The following MYCBP2 variants were observed in gnomAD, a reference collection of about 807,000 sequenced individuals.
MYCBP2 encodes E3 ubiquitin-protein ligase MYCBP2.
A neutral mutation model predicts 525.3 loss-of-function variants in MYCBP2; 120 were observed. That is an observed-to-expected ratio of 0.23 (90% CI 0.20 to 0.27). The LOEUF is 0.27. Among genes scored for constraint, MYCBP2 ranks in the 10% least tolerant of loss-of-function variants. The pLI is 1.00. For synonymous variants in MYCBP2, 1,894 were observed against 1,955.8 expected (o/e 0.97, Z 0.83); for missense variants, 4,149 against 5,657.1 (o/e 0.73, Z 8.55).
At chr13:77,080,463 T>C (rs548134812) in intron 65 of MYCBP2, 5 of 152,352 alleles carry the variant, frequency 3.3e-5, no homozygotes, top group African/African-American at 1.2e-4. Context: ...GTTAGTGCTA[T>C]TTCTTTCTTG....
At chr13:77,082,873 C>T (rs2043541981) in intron 63 of MYCBP2, 159 bp downstream of exon 63, 2 of 574,612 alleles carry the variant, frequency 3.5e-6, no homozygotes, top group African/African-American at 1.9e-5. Context: ...GAGGAAGGAC[C>T]ATTCTAAAAA....
intron 18 of MYCBP2, among the ~76,000 whole-genome samples, chr13:77,229,182 G>C (rs2154299182): frequency 6.6e-6 from 1 of 152,286 alleles, no homozygotes; most frequent in South Asian, 2.1e-4. Flanking sequence ...TCTGGTCCTA[G>C]CTTTCCTATC....
intron 20 of MYCBP2, among the ~76,000 whole-genome samples, chr13:77,223,675 T>C (rs191527505): frequency 1.3e-5 from 2 of 152,304 alleles, no homozygotes; most frequent in Admixed American, 6.5e-5. Context: ...CCATTCTCAG[T>C]ACACAGTCTC....
intron 55 of MYCBP2, among the ~76,000 whole-genome samples, chr13:77,110,684 C>T (rs182531389): frequency 2.8e-4 from 42 of 152,184 alleles, no homozygotes; most frequent in Admixed American, 1.9e-3. Flanking sequence ...GTGATGTCAC[C>T]GCCAGAGGCC....
rs749968122 is a variant in MYCBP2 at position 77,097,436 on chromosome 13, T to C, written c.9718A>G (p.Ile3240Val). 6.2e-7 allele frequency: 1 copy of C among 1,613,642 alleles called. No individual in the cohort carries two copies. The highest frequency in any genetic ancestry group is 8.5e-7 in the Non-Finnish European group (1 of 1,179,772). ...TGTGACTCCCCACACAGTTCACAGA[T>C]GGTATCTTTCTCTGGTCCTCCTACT... is the stretch of plus-strand genomic sequence containing the variant. ...LAVGGPEKDT[I>V]CELCGESHPY... The change falls in exon 56 of 83, where the codon ATC (isoleucine) becomes GTC (valine). Residue 3240 changes from isoleucine (I) to valine (V), a missense_variant. This residue lies in a region of MYCBP2 where 26 missense variants were observed against 48.2 expected (regional missense o/e 0.54). Transcript: ENST00000544440.
intron 52 of MYCBP2, among the ~76,000 whole-genome samples, chr13:77,127,296 A>G (rs1023779346): frequency 1.6e-4 from 25 of 151,996 alleles, no homozygotes; most frequent in Non-Finnish European, 5.9e-5. Context: ...TTATTATTGA[A>G]AAGAGTCACT....
chr13:77,271,979 G>C (rs1343600030), intron 5 of MYCBP2, among the ~76,000 whole-genome samples: 1 of 152,174 alleles, frequency 6.6e-6, no homozygotes, highest in Non-Finnish European at 1.5e-5. Context: ...ATGGAGTTTA[G>C]GCTAGAGTTG....
intron 44 of MYCBP2, among the ~76,000 whole-genome samples, chr13:77,159,899 T>C (rs1434110084): frequency 6.6e-6 from 1 of 152,176 alleles, no homozygotes; most frequent in Non-Finnish European, 1.5e-5. Context: ...GTTTATTATA[T>C]ATCTGTTGAA....
At chr13:77,269,925 T>C in intron 7 of MYCBP2, 67 bp downstream of exon 7, 1 of 1,206,860 alleles carries the variant, frequency 8.3e-7, no homozygotes, top group Non-Finnish European at 1.2e-6. Flanking sequence ...TATTACTGAT[T>C]AAACAAGGAC....
rs781771750 is a variant in MYCBP2 at position 77,161,942 on chromosome 13, T to C, written c.6561A>G (p.Glu2187=). Residue 2187 remains glutamate, a synonymous_variant, in exon 44 of 83, where the codon GAA becomes GAG. Transcript: ENST00000544440. ...DLALPIGNEL[E]EDLEILEEAA... ...CCTCCTCAAGAATTTCAAGGTCTTC[T>C]TCTAATTCATTACCTGTTGTGTAAA... is the stretch of plus-strand genomic sequence containing the variant. 1 of 1,605,292 alleles carries C rather than the reference T, an allele frequency of 6.2e-7. No individual in the cohort carries two copies. Among genetic ancestry groups the C allele is most frequent in the South Asian group, 1.1e-5 (1 of 89,680 alleles).
chr13:77,187,824 G>C (rs768132739), intron 30 of MYCBP2, among the ~76,000 whole-genome samples: 5 of 151,868 alleles, frequency 3.3e-5, no homozygotes, highest in Non-Finnish European at 7.4e-5. Flanking sequence ...AGGCGGGTGG[G>C]TCATGAGGTC....
At chr13:77,188,923 A>T (rs149189180) in intron 30 of MYCBP2, 28 bp downstream of exon 30, 1 of 1,538,548 alleles carries the variant, frequency 6.5e-7, no homozygotes, top group African/African-American at 1.4e-5. Context: ...TGAAGAGAAA[A>T]GCTGAAATTT....
rs539646765 is a variant in MYCBP2, at chr13:77,317,516, G to A, written c.302+8958C>T. ...GAGAATGGGCGCCTCACCCTTGCAG[G>A]GCATCATGCCCAAGCTGCAGGATCT... On this transcript the variant is annotated intron_variant, in intron 1 of 82. Coordinates refer to ENST00000544440, the MANE Select transcript of MYCBP2 (RefSeq NM_015057.5). 1.4e-4 allele frequency among the ~76,000 whole-genome samples: 21 copies of A among 152,266 alleles called. No homozygotes were observed. The South Asian group carries it at 4.1e-3, about 30-fold the overall frequency.
At chr13:77,063,216 T>G (rs2039614489) in intron 73 of MYCBP2, among the ~76,000 whole-genome samples, 1 of 152,126 alleles carries the variant, frequency 6.6e-6, no homozygotes, top group Non-Finnish European at 1.5e-5. Flanking sequence ...CTATACTTGG[T>G]GCACTTTGTC....
intron 20 of MYCBP2, among the ~76,000 whole-genome samples, chr13:77,224,046 T>C (rs1291373004): frequency 1.3e-5 from 2 of 152,224 alleles, no homozygotes; most frequent in African/African-American, 4.8e-5. Flanking sequence ...AATGACTGCA[T>C]GTTATTAGAC....
chr13:77,182,023 C>A, intron 32 of MYCBP2, 101 bp from the exon 33 acceptor site: 3 of 839,712 alleles, frequency 3.6e-6, no homozygotes, highest in Non-Finnish European at 3.6e-6. Context: ...TAAATTATAC[C>A]AAAATTTTCT....
intron 49 of MYCBP2, chr13:77,144,003 G>T (rs2055113265): frequency 1.1e-5 from 2 of 185,676 alleles, no homozygotes; most frequent in Non-Finnish European, 2.3e-5. Flanking sequence ...CTGTCTCTCT[G>T]GAGAACCCAG....
chr13:77,293,175 T>C (rs987017330), intron 2 of MYCBP2, among the ~76,000 whole-genome samples: 11 of 152,260 alleles, frequency 7.2e-5, no homozygotes, highest in African/African-American at 2.6e-4. Flanking sequence ...TTCTGAGTAA[T>C]GAATTTGATT....
intron 5 of MYCBP2, among the ~76,000 whole-genome samples, chr13:77,271,678 G>T (rs1408929228): frequency 6.6e-6 from 1 of 152,146 alleles, no homozygotes; most frequent in African/African-American, 2.4e-5. Flanking sequence ...TTTGCCTGCT[G>T]CCATCCACGT....
Sources: gnomAD v4.1 joint callset for allele counts (sites outside exome capture counted in the v4.1 genomes callset) on GRCh38, gnomAD v4.1.1 for gene constraint, gnomAD v4.1.1 regional missense constraint, MANE v1.5 for transcripts, NCBI Gene and HGNC (gene_info 2026-07-23, HGNC 2026-07-21) for gene names.